Variants in PUDP observed in about 807,000 individuals in gnomAD.
PUDP encodes the protein pseudouridine-5'-phosphatase.
In PUDP, 8 loss-of-function variants were observed where a neutral mutation model predicts 9.4. That is an observed-to-expected ratio of 0.85 (90% confidence interval 0.50 to 1.53). The LOEUF is 1.53. Ranked by LOEUF, PUDP falls within the 40% of genes most tolerant of loss-of-function variation. The probability of loss-of-function intolerance (pLI) is 0.00; values close to 1 mark genes in which losing one functional copy is unlikely to be tolerated. For synonymous variants in PUDP, 99 were observed against 80.7 expected (o/e 1.23, Z -1.22); for missense variants, 188 against 189.7 (o/e 0.99, Z 0.05).
intron 3 of PUDP, among the ~76,000 whole-genome samples, chrX:6,941,914 A>G (rs1358918903): frequency 1.8e-5 from 2 of 112,045 alleles, no homozygotes; most frequent in African/African-American, 3.2e-5. Context: ...ATGGATGGAA[A>G]TGCAGGTCAT....
At chrX:6,747,156 A>G (rs1486883813) in intron 3 of PUDP, among the ~76,000 whole-genome samples, 2 of 112,271 alleles carry the variant, frequency 1.8e-5, no homozygotes, top group Admixed American at 1.9e-4. Context: ...TAGTCAATAC[A>G]TACTTTTGTA....
chrX:6,873,822 G>C (rs1927211554), intron 3 of PUDP, among the ~76,000 whole-genome samples: 1 of 111,834 alleles, frequency 8.9e-6, no homozygotes, highest in Admixed American at 9.5e-5. Context: ...CATAACCTAA[G>C]ATCATATAGT....
At chrX:6,722,177 G>C (rs1394921681), upstream of PUDP, among the ~76,000 whole-genome samples, 1 of 111,248 alleles carries the variant, frequency 9.0e-6, no homozygotes, top group East Asian at 2.8e-4. Context: ...TGGGCATGGT[G>C]GCTCACGCCT....
intron 3 of PUDP, among the ~76,000 whole-genome samples, chrX:6,739,553 G>A (rs1220223023): frequency 9.0e-6 from 1 of 111,465 alleles, no homozygotes; most frequent in African/African-American, 3.3e-5. Context: ...TTGGGCAGAG[G>A]CCAGAGATGC....
intron 3 of PUDP, among the ~76,000 whole-genome samples, chrX:6,975,260 G>A (rs1456939490): frequency 9.1e-6 from 1 of 110,084 alleles, no homozygotes; most frequent in African/African-American, 3.3e-5. Flanking sequence ...CCTTGGTGGC[G>A]AGGAGTTGTG....
At chrX:7,020,485 C>T (rs181576567) in intron 1 of PUDP, among the ~76,000 whole-genome samples, 1 of 111,209 alleles carries the variant, frequency 9.0e-6, no homozygotes, top group East Asian at 2.9e-4. Context: ...AACTTATTAT[C>T]ACTGATGCCA....
chrX:7,112,934 A>AGGTG (rs1932095357), intron 1 of PUDP: 1 of 112,486 alleles, frequency 8.9e-6, no homozygotes, highest in Admixed American at 9.4e-5. Flanking sequence ...AAGTGCTGGG[A>AGGTG]TTACAGGTGT....
chrX:6,789,482 GT>G (rs765348580), intron 3 of PUDP, among the ~76,000 whole-genome samples: 1 of 98,462 alleles, frequency 1.0e-5, no homozygotes, highest in African/African-American at 3.7e-5. Context: ...CTGTTGGAGG[GT>G]TTTTTAAAAA....
chrX:6,735,571 C>G (rs954365624), intron 3 of PUDP, among the ~76,000 whole-genome samples: 53 of 112,067 alleles, frequency 4.7e-4, no homozygotes, highest in Non-Finnish European at 8.1e-4. Context: ...TACAATGTTT[C>G]ACATAATGAT....
chrX:6,714,642 ATAG>A (rs762023110), intron 1 of PUDP, among the ~76,000 whole-genome samples: 4 of 111,604 alleles, frequency 3.6e-5, no homozygotes, highest in Non-Finnish European at 5.7e-5. Flanking sequence ...TGATAGAATG[ATAG>A]ATAAATGGAG....
intron 3 of PUDP, among the ~76,000 whole-genome samples, chrX:7,061,592 CCCCGCT>C (rs987829257): frequency 9.5e-6 from 1 of 105,255 alleles, no homozygotes; most frequent in African/African-American, 3.5e-5. Context: ...CCACCCCCAC[CCCCGCT>C]GCCTGGAAGA....
intron 1 of PUDP, among the ~76,000 whole-genome samples, chrX:7,139,042 C>T (rs1484723790): frequency 1.8e-5 from 2 of 111,978 alleles, no homozygotes; most frequent in African/African-American, 6.5e-5. Context: ...CCTATCTATC[C>T]TTGACAGTAT....
chrX:7,101,630 T>C (rs1931738525), intron 2 of PUDP, among the ~76,000 whole-genome samples: 1 of 111,487 alleles, frequency 9.0e-6, no homozygotes, highest in Non-Finnish European at 1.9e-5. Flanking sequence ...GAACAAAAAG[T>C]GTAGAAAGAA....
At chrX:6,969,752 C>T (rs1424850779) in intron 3 of PUDP, among the ~76,000 whole-genome samples, 1 of 111,669 alleles carries the variant, frequency 9.0e-6, no homozygotes, top group Non-Finnish European at 1.9e-5. Context: ...CATGGAGGTG[C>T]ACACCTGTAG....
chrX:6,927,042 G>A (rs58948920), intron 3 of PUDP, among the ~76,000 whole-genome samples: 3,401 of 105,350 alleles, frequency 0.032, 140 homozygotes, highest in African/African-American at 0.11. Flanking sequence ...ATCCTCCTGC[G>A]TCAGCCTCCT....
chrX:6,881,806 G>A lies in PUDP; in HGVS notation c.*247+95327C>T, dbSNP rs1436882614. 2.7e-5 allele frequency among the ~76,000 whole-genome samples: 3 copies of A among 110,267 alleles called. No homozygotes were observed. The Admixed American group carries it at 2.9e-4, about 11-fold the overall frequency. On this transcript the variant is annotated intron_variant and NMD_transcript_variant, in intron 3 of 3. Transcript: ENST00000655425. ...AATCATGCAAGCACAAGGAGGCAAC[G>A]CATCACCTAACCCTTGTCAGGGCAT...
At chrX:7,110,337 G>A (rs1419077747) in intron 1 of PUDP, among the ~76,000 whole-genome samples, 2 of 112,221 alleles carry the variant, frequency 1.8e-5, no homozygotes, top group Non-Finnish European at 3.8e-5. Context: ...CACTAAGTCC[G>A]CCCCTGAGGC....
chrX:6,938,384 C>CA (rs1193098298), intron 3 of PUDP, among the ~76,000 whole-genome samples: 1 of 62,491 alleles, frequency 1.6e-5, no homozygotes, highest in Non-Finnish European at 2.9e-5. Context: ...ATCGCAAGAA[C>CA]AAAAAACCAA....
At chrX:6,950,112 C>T (rs1324278958) in intron 3 of PUDP, among the ~76,000 whole-genome samples, 1 of 109,964 alleles carries the variant, frequency 9.1e-6, no homozygotes, top group African/African-American at 3.3e-5. Context: ...TTGAGGCAGG[C>T]AGATCACTTG....
Sources: allele counts gnomAD v4.1 joint callset (sites outside exome capture counted in the v4.1 genomes callset), GRCh38; gene constraint gnomAD v4.1.1; transcripts MANE v1.5; gene names NCBI Gene and HGNC (gene_info 2026-07-23, HGNC 2026-07-21).